Variants in MEGF10 observed in about 807,000 individuals in gnomAD.
The protein encoded by MEGF10 is multiple epidermal growth factor-like domains protein 10.
MEGF10 carries 86 observed loss-of-function variants against 147.5 expected under a neutral mutation model. The ratio of observed to expected loss-of-function variants is 0.58; its 90% CI spans 0.49 to 0.70. MEGF10 has a LOEUF of 0.70. MEGF10 is among the 30% of genes least tolerant of loss of function. MEGF10 has a pLI of 0.00. For missense variants in MEGF10, 1,329 were observed against 1,487.3 expected (o/e 0.89, Z 1.75); for synonymous variants, 478 against 525.5 (o/e 0.91, Z 1.24).
At chr5:127,413,970 T>G (rs1033495737) in intron 9 of MEGF10, among the ~76,000 whole-genome samples, 1 of 152,236 alleles carries the variant, frequency 6.6e-6, no homozygotes, top group Non-Finnish European at 1.5e-5. Context: ...TTTTCTACTT[T>G]TCAATGTAAA....
the MEGF10 span, among the ~76,000 whole-genome samples, chr5:127,271,611 TG>T: frequency 5.3e-5 from 8 of 152,088 alleles, no homozygotes; most frequent in South Asian, 1.0e-3. Flanking sequence ...ACCCAGTGGG[TG>T]GTCATGGGGG....
At chr5:127,377,914 A>G (rs1363388) in intron 5 of MEGF10, among the ~76,000 whole-genome samples, 36,072 of 152,086 alleles carry the variant, frequency 0.24, 4,873 homozygotes, top group African/African-American at 0.38. Flanking sequence ...CACTGGTGTT[A>G]GGGTCAGGCT....
At chr5:127,261,099 T>C in the MEGF10 span, among the ~76,000 whole-genome samples, 2 of 152,208 alleles carry the variant, frequency 1.3e-5, no homozygotes, top group Non-Finnish European at 2.9e-5. Context: ...TGAGATATAG[T>C]TTATATAACA....
At chr5:127,253,953 A>AT in the MEGF10 span, among the ~76,000 whole-genome samples, 2 of 152,074 alleles carry the variant, frequency 1.3e-5, no homozygotes, top group African/African-American at 4.8e-5. Context: ...TAAAATTTTT[A>AT]TTTTTATTTT....
intron 22 of MEGF10, among the ~76,000 whole-genome samples, chr5:127,449,599 G>A (rs1041968482): frequency 1.3e-5 from 2 of 152,130 alleles, no homozygotes; most frequent in South Asian, 2.1e-4. Context: ...TATGTTACTT[G>A]CACAGGACCT....
intron 4 of MEGF10, among the ~76,000 whole-genome samples, chr5:127,369,602 T>G (rs182695588): frequency 6.6e-6 from 1 of 152,326 alleles, no homozygotes; most frequent in Admixed American, 6.5e-5. Flanking sequence ...AAGGAATATT[T>G]GATACTCACT....
intron 20 of MEGF10, among the ~76,000 whole-genome samples, chr5:127,446,604 C>T (rs190121936): frequency 2.6e-5 from 4 of 152,258 alleles, no homozygotes; most frequent in Middle Eastern, 3.4e-3. Context: ...TTCCAGTGAA[C>T]GGTTTGCAAA....
the MEGF10 span, among the ~76,000 whole-genome samples, chr5:127,243,837 G>C: frequency 1.3e-5 from 2 of 152,084 alleles, no homozygotes; most frequent in African/African-American, 4.8e-5. Context: ...AAAGATAAGA[G>C]AAAAATCACC....
Position 127,447,585 on chromosome 5 carries a change from C to T in MEGF10, c.2757C>T (p.Asn919=), listed in dbSNP as rs36061366. 9.2e-4 allele frequency: 1,486 copies of T among 1,614,116 alleles called. 16 individuals carry two copies. In the African/African-American group the frequency reaches 0.016, roughly 17 times the overall value. ...SGTLPHSNGG[N]ANSHYFTNPS... Reference sequence around the variant, plus strand: ...CCCTTCCTCACAGCAATGGTGGAAACGCTAATAGCCACTACTTCACCAATC... The same window carrying T: ...CCCTTCCTCACAGCAATGGTGGAAATGCTAATAGCCACTACTTCACCAATC... Residue 919 remains asparagine, a synonymous_variant, in exon 21 of 25, where the codon AAC becomes AAT. Transcript: ENST00000503335.
chr5:127,252,614 A>G, the MEGF10 span, among the ~76,000 whole-genome samples: 1 of 151,958 alleles, frequency 6.6e-6, no homozygotes, highest in Non-Finnish European at 1.5e-5. Flanking sequence ...TGTAGGAAAA[A>G]TAATGAAAAT....
At chr5:127,270,900 G>A in the MEGF10 span, among the ~76,000 whole-genome samples, 1 of 152,260 alleles carries the variant, frequency 6.6e-6, no homozygotes, top group Admixed American at 6.5e-5. Flanking sequence ...GGACATGATC[G>A]CATTTCTTTT....
chr5:127,253,894 T>C, the MEGF10 span, among the ~76,000 whole-genome samples: 1 of 152,070 alleles, frequency 6.6e-6, no homozygotes, highest in Non-Finnish European at 1.5e-5. Flanking sequence ...TCAATTCTAA[T>C]AAAAAACAAT....
At chr5:127,340,661 G>C (rs199666494) in intron 4 of MEGF10, 31 bp downstream of exon 4, 4 of 1,583,772 alleles carry the variant, frequency 2.5e-6, no homozygotes, top group Non-Finnish European at 3.5e-6. Flanking sequence ...TTTGAGATTC[G>C]CTAGTTTTTC....
At chr5:127,274,063 T>C in the MEGF10 span, among the ~76,000 whole-genome samples, 1 of 152,166 alleles carries the variant, frequency 6.6e-6, no homozygotes, top group Non-Finnish European at 1.5e-5. Flanking sequence ...CAATTCTTTT[T>C]TCAGAATGAA....
chr5:127,415,298 A>C (rs1580840468), intron 9 of MEGF10, among the ~76,000 whole-genome samples: 1 of 152,326 alleles, frequency 6.6e-6, no homozygotes, highest in Middle Eastern at 3.4e-3. Flanking sequence ...TTCACTCTTA[A>C]AAATGCCCTG....
chr5:127,354,472 G>C (rs1762202367), intron 4 of MEGF10, among the ~76,000 whole-genome samples: 1 of 152,168 alleles, frequency 6.6e-6, no homozygotes, highest in Non-Finnish European at 1.5e-5. Context: ...TGGCTGCCTG[G>C]AACATTGTGT....
the MEGF10 span, among the ~76,000 whole-genome samples, chr5:127,258,474 C>T: frequency 2.0e-3 from 308 of 152,046 alleles, 2 homozygotes; most frequent in Non-Finnish European, 2.7e-3. Flanking sequence ...GATTTTTTTG[C>T]TTCAAATTTG....
intron 1 of MEGF10, among the ~76,000 whole-genome samples, chr5:127,310,041 T>C (rs867561858): frequency 0.018 from 1,530 of 82,930 alleles, 128 homozygotes; most frequent in Middle Eastern, 0.041. Flanking sequence ...TTTCCTTCTT[T>C]CTTTATTTCT....
intron 2 of MEGF10, among the ~76,000 whole-genome samples, chr5:127,334,481 C>T (rs1272986973): frequency 6.6e-6 from 1 of 152,162 alleles, no homozygotes; most frequent in Non-Finnish European, 1.5e-5. Context: ...TCAATGGCTT[C>T]TAGCTGCATC....
Sources: gnomAD v4.1 joint callset for allele counts (sites outside exome capture counted in the v4.1 genomes callset) on GRCh38, gnomAD v4.1.1 for gene constraint, MANE v1.5 for transcripts, NCBI Gene and HGNC (gene_info 2026-07-23, HGNC 2026-07-21) for gene names.